LYST: variants seen among roughly 807,000 people sequenced by gnomAD.
The protein encoded by LYST is lysosomal trafficking regulator, also known as lysosomal-trafficking regulator.
Under a neutral mutation model 413.6 loss-of-function variants are expected in LYST, and 192 were observed. That is an observed-to-expected ratio of 0.46 (90% CI 0.41 to 0.52). LYST has a LOEUF of 0.52. Ranked by LOEUF, LYST falls within the 20% of genes least tolerant of loss-of-function variation. The pLI, the probability that LYST is intolerant of heterozygous loss-of-function variation, is 0.00. For synonymous variants in LYST, 1,525 were observed against 1,567.3 expected (o/e 0.97, Z 0.64); for missense variants, 3,815 against 4,499.9 (o/e 0.85, Z 4.35).
At chr1:235,682,741 T>C (rs1398759338) in intron 48 of LYST, among the ~76,000 whole-genome samples, 2 of 152,228 alleles carry the variant, frequency 1.3e-5, no homozygotes, top group Non-Finnish European at 2.9e-5. Flanking sequence ...AAGTAAGCAG[T>C]CAGTAAATAT....
At position 235,664,064 on chromosome 1, in the gene LYST, GA is replaced by G. The variant is rs756830243; in HGVS notation, c.11196-10del. The G allele has an allele frequency of 5.6e-6, 9 of 1,600,306 alleles. No individual in the cohort carries two copies. Among genetic ancestry groups the G allele is most frequent in the Non-Finnish European group, 6.9e-6 (8 of 1,167,658 alleles). The stretch of plus-strand genomic sequence containing the variant: ...CCCATGTGCTCCATAACCTAGAGGG[GA>G]AAAAAATCATCTAATTATGCAAACT... On this transcript the variant is annotated splice_polypyrimidine_tract_variant and intron_variant, in intron 51 of 52. Transcript: ENST00000389793. This position sits in a 1 kb window ranked among gnomAD's most constrained non-coding sequence, Gnocchi z 4.5.
intron 24 of LYST, among the ~76,000 whole-genome samples, chr1:235,756,936 G>A (rs957949890): frequency 5.3e-5 from 8 of 152,000 alleles, no homozygotes; most frequent in Non-Finnish European, 1.2e-4. Context: ...AATGAACCAC[G>A]TATTCCTTGT....
intron 45 of LYST, among the ~76,000 whole-genome samples, chr1:235,698,478 C>G (rs886542885): frequency 6.6e-6 from 1 of 152,176 alleles, no homozygotes; most frequent in Admixed American, 6.5e-5. Flanking sequence ...CATGTGGGAA[C>G]AGAGACGTTA....
intron 47 of LYST, among the ~76,000 whole-genome samples, chr1:235,689,429 G>A (rs370988137): frequency 1.3e-5 from 2 of 152,150 alleles, no homozygotes; most frequent in African/African-American, 4.8e-5. Context: ...CTGCTCCTAT[G>A]TGGAATCTAA....
intron 1 of LYST, among the ~76,000 whole-genome samples, chr1:235,849,000 T>C (rs1464370310): frequency 6.6e-6 from 1 of 152,110 alleles, no homozygotes; most frequent in African/African-American, 2.4e-5. Flanking sequence ...GAGGGAACCC[T>C]ACCTAATTCA....
intron 3 of LYST, chr1:235,828,836 GAA>G: frequency 1.3e-6 from 1 of 755,928 alleles, no homozygotes; most frequent in Non-Finnish European, 1.6e-6. Flanking sequence ...TTTATTTACA[GAA>G]AAGTCATACA....
intron 36 of LYST, 92 bp from the exon 37 acceptor site, chr1:235,729,749 A>T: frequency 2.3e-6 from 2 of 878,898 alleles, no homozygotes; most frequent in Non-Finnish European, 3.8e-6. Flanking sequence ...AGATTTCTGC[A>T]AAGCAGACTA....
At chr1:235,828,081 A>G (rs1675536769) in intron 3 of LYST, 3 of 758,524 alleles carry the variant, frequency 4.0e-6, no homozygotes, top group South Asian at 1.2e-4. Context: ...ATACTACTTC[A>G]TATTCTTTTA....
At chr1:235,717,189 C>T (rs999908177) in intron 40 of LYST, among the ~76,000 whole-genome samples, 9 of 151,998 alleles carry the variant, frequency 5.9e-5, no homozygotes, top group Non-Finnish European at 4.4e-5. Flanking sequence ...AGGGCAGTTT[C>T]GACAGAACTT....
At chr1:235,703,702 T>C (rs969923064) in intron 44 of LYST, among the ~76,000 whole-genome samples, 1 of 152,108 alleles carries the variant, frequency 6.6e-6, no homozygotes, top group Non-Finnish European at 1.5e-5. Flanking sequence ...AGAAGTTAGG[T>C]CATCTTCAAC....
intron 21 of LYST, among the ~76,000 whole-genome samples, chr1:235,765,103 C>A (rs780360730): frequency 2.0e-5 from 3 of 152,152 alleles, no homozygotes; most frequent in Non-Finnish European, 2.9e-5. Context: ...TGGACAGCTC[C>A]TTATAACCTA....
At chr1:235,847,361 A>G (rs1025043637) in intron 1 of LYST, among the ~76,000 whole-genome samples, 2 of 152,236 alleles carry the variant, frequency 1.3e-5, no homozygotes, top group African/African-American at 2.4e-5. Context: ...CACCACTAGA[A>G]GAACTGCTAA....
At chr1:235,788,953 T>C in intron 12 of LYST, 108 bp from the exon 13 acceptor site, 1 of 983,646 alleles carries the variant, frequency 1.0e-6, no homozygotes, top group Non-Finnish European at 1.6e-6. Flanking sequence ...TAGTAGGTTA[T>C]CTACCCAGAA....
At chr1:235,760,308 G>A (rs991407400) in intron 22 of LYST, among the ~76,000 whole-genome samples, 1 of 152,092 alleles carries the variant, frequency 6.6e-6, no homozygotes, top group Non-Finnish European at 1.5e-5. Flanking sequence ...CTAGCATAGA[G>A]CTCAACATAT....
At chr1:235,802,152 C>T (rs1226970856) in intron 8 of LYST, among the ~76,000 whole-genome samples, 1 of 145,344 alleles carries the variant, frequency 6.9e-6, no homozygotes, top group Non-Finnish European at 1.5e-5. Flanking sequence ...CGAGATCACG[C>T]CACTGCACTC....
chr1:235,663,888 T>C (rs1477459193), intron 52 of LYST, 96 bp downstream of exon 52: 20 of 1,074,488 alleles, frequency 1.9e-5, no homozygotes, highest in Non-Finnish European at 2.9e-5. Context: ...TGACTTCAAT[T>C]GCACATTTCT....
intron 47 of LYST, among the ~76,000 whole-genome samples, chr1:235,688,106 T>C (rs1660360188): frequency 6.6e-6 from 1 of 152,248 alleles, no homozygotes; most frequent in Non-Finnish European, 1.5e-5. Context: ...TTATTCTTTC[T>C]TGGAGGTCTT....
At chr1:235,746,274 C>T in intron 29 of LYST, 62 bp downstream of exon 29, 1 of 1,472,676 alleles carries the variant, frequency 6.8e-7, no homozygotes, top group African/African-American at 1.4e-5. Flanking sequence ...CCAGTTTCCT[C>T]TTAGATTACT....
intron 19 of LYST, among the ~76,000 whole-genome samples, chr1:235,771,917 G>GTTTTTTTT (rs1215590592): frequency 1.4e-5 from 1 of 72,726 alleles, no homozygotes; most frequent in Non-Finnish European, 2.6e-5. Flanking sequence ...TTTTTAGTTT[G>GTTTTTTTT]TTTTTTTTTT....
Sources: gnomAD v4.1 joint callset for allele counts (sites outside exome capture counted in the v4.1 genomes callset) on GRCh38, gnomAD v4.1.1 for gene constraint, Gnocchi (gnomAD v3.1) non-coding constraint, MANE v1.5 for transcripts, NCBI Gene and HGNC (gene_info 2026-07-23, HGNC 2026-07-21) for gene names.